The following ZNF14 variants were observed in gnomAD, a reference collection of about 807,000 sequenced individuals.
The protein encoded by ZNF14 is zinc finger protein 14.
In ZNF14, 9 loss-of-function variants were observed where a neutral mutation model predicts 11.3. The ratio of observed to expected loss-of-function variants is 0.80; its 90% CI spans 0.48 to 1.39. The LOEUF is 1.39. ZNF14 is among the 40% of genes most tolerant of loss of function. The pLI is 0.00. For missense variants in ZNF14, 711 were observed against 763.9 expected, an observed-to-expected ratio of 0.93 and a Z score of 0.82; for synonymous variants, 239 against 245.7, an observed-to-expected ratio of 0.97 and a Z score of 0.25.
chr19:19,711,329 G>T lies in ZNF14; in HGVS notation c.*23C>A. 2 of 1,527,104 alleles carry T rather than the reference G, an allele frequency of 1.3e-6. No individual in the cohort carries two copies. The highest frequency in any genetic ancestry group is 1.8e-6 in the Non-Finnish European group (2 of 1,142,528). 94.6% of individuals were successfully genotyped at this position (1,527,104 alleles called of 1,614,324 possible). ...TCAGAAGGAGCTGGAACAACCGAAGGCTTCAGAATGTTGCTTATATTCTTA... is the reference window on the plus strand; with the variant it reads ...TCAGAAGGAGCTGGAACAACCGAAGTCTTCAGAATGTTGCTTATATTCTTA... On this transcript the variant is annotated 3_prime_UTR_variant, in exon 4 of 4. Transcript: ENST00000344099.
At chr19:19,721,822 G>A (rs959818198) in intron 1 of ZNF14, among the ~76,000 whole-genome samples, 3 of 152,036 alleles carry the variant, frequency 2.0e-5, no homozygotes, top group African/African-American at 7.2e-5. Flanking sequence ...AATTAGCCAG[G>A]TATGGTGGCA....
chr19:19,714,847 G>C (rs2062373678), intron 1 of ZNF14, among the ~76,000 whole-genome samples: 1 of 151,580 alleles, frequency 6.6e-6, no homozygotes, highest in Non-Finnish European at 1.5e-5. Context: ...AAGTAGCTGG[G>C]ACTACAGGTG....
rs1200127597 is a variant in ZNF14, at chr19:19,733,092, A to G, written c.-134T>C. On this transcript the variant is annotated 5_prime_UTR_variant, in exon 1 of 4. Transcript: ENST00000344099. ...GTGAAACGCAATCTTCCCATGGGCCAGGAATGGCGACGTCCGCACTGCGCA... is the reference window on the plus strand; with the variant it reads ...GTGAAACGCAATCTTCCCATGGGCCGGGAATGGCGACGTCCGCACTGCGCA... The G allele has an allele frequency of 7.7e-6, 9 of 1,163,290 alleles. No individual in the cohort carries two copies. Among genetic ancestry groups the G allele is most frequent in the Non-Finnish European group, 1.1e-5 (9 of 818,468 alleles). 72.1% of individuals were successfully genotyped at this position (1,163,290 alleles called of 1,614,324 possible).
chr19:19,711,436 A>ATT lies in ZNF14; in HGVS notation c.1844_1845insAA (p.Tyr615Ter). ...AGGCTTTTCCACATTGTTTGCATTCATAAGGTTTCTCTCCAGTGTGAGACC... is the reference window on the plus strand; with the variant it reads ...AGGCTTTTCCACATTGTTTGCATTCATTTAAGGTTTCTCTCCAGTGTGAGACC... ...HERSHTGEKP[Y>*]ECKQCGKAFI... is the part of the protein sequence containing the mutation. Residue 615 changes from tyrosine (Y) to a stop codon, truncating the protein, a stop_gained and frameshift_variant, in exon 4 of 4, where the codon TAT (tyrosine) becomes TAAAT (stop). Coordinates refer to ENST00000344099, the MANE Select transcript of ZNF14 (RefSeq NM_021030.3). LOFTEE classifies it low-confidence loss of function (END_TRUNC). 1 of 1,609,600 alleles carries ATT rather than the reference A, an allele frequency of 6.2e-7. No individual in the cohort carries two copies.
Position 19,733,060 on chromosome 19 carries a change from G to C in ZNF14, c.-102C>G. On this transcript the variant is annotated 5_prime_UTR_variant, in exon 1 of 4. Coordinates refer to ENST00000344099, the MANE Select transcript of ZNF14 (RefSeq NM_021030.3). ...GCGCTAGAGCCACCTTCGGCCTTCAGGAGCAGGTGAAACGCAATCTTCCCA... is the reference window on the plus strand; with the variant it reads ...GCGCTAGAGCCACCTTCGGCCTTCACGAGCAGGTGAAACGCAATCTTCCCA... 2.0e-6 allele frequency: 3 copies of C among 1,477,894 alleles called. No homozygotes were observed. Among genetic ancestry groups the C allele is most frequent in the Non-Finnish European group, 2.8e-6 (3 of 1,083,088 alleles). The allele number at this position is 1,477,894 out of a possible 1,614,324, so 91.5% of individuals were successfully genotyped here. A position where few individuals can be genotyped will look rare whatever the true frequency, so the allele number is the denominator to read the frequency against.
chr19:19,730,184 C>T (rs896990305), intron 1 of ZNF14, among the ~76,000 whole-genome samples: 16 of 151,872 alleles, frequency 1.1e-4, no homozygotes, highest in Admixed American at 9.2e-4. Flanking sequence ...CCACCAGGCT[C>T]GGCTAATTTT....
intron 1 of ZNF14, among the ~76,000 whole-genome samples, chr19:19,725,972 A>G (rs896311156): frequency 1.5e-5 from 2 of 130,470 alleles, no homozygotes; most frequent in African/African-American, 5.7e-5. Flanking sequence ...CTAGTTAGCC[A>G]TTCGTCTAAT....
chr19:19,729,203 C>G (rs557789738), intron 1 of ZNF14, among the ~76,000 whole-genome samples: 2 of 152,042 alleles, frequency 1.3e-5, no homozygotes, highest in Non-Finnish European at 2.9e-5. Context: ...GTCTGGAACT[C>G]CTAACCTCGT....
rs757040353 is a variant in ZNF14, at chr19:19,712,479, T to C, written c.802A>G (p.Thr268Ala). The C allele has an allele frequency of 1.9e-5, 29 of 1,559,450 alleles. No individual in the cohort carries two copies. Among genetic ancestry groups the C allele is most frequent in the Non-Finnish European group, 2.5e-5 (28 of 1,142,596 alleles). Reference sequence around the variant, plus strand: ...TCTCCAGTGTGAGTTCTTTCATGAGTTCGAAAGTATGTGGGACAACTGAAA... The same window carrying C: ...TCTCCAGTGTGAGTTCTTTCATGAGCTCGAAAGTATGTGGGACAACTGAAA... ...KAFSCPTYFR[T>A]HERTHTGEKP... The change falls in exon 4 of 4, where the codon ACT becomes GCT. Residue 268 changes from threonine to alanine, a missense_variant. Coordinates refer to ENST00000344099, the MANE Select transcript of ZNF14 (RefSeq NM_021030.3).
Position 19,713,569 on chromosome 19 carries a change from C to T in ZNF14, c.192-480G>A, listed in dbSNP as rs28379180. Among the ~76,000 whole-genome samples the T allele has an allele frequency of 2.0e-3, 311 of 152,162 alleles. 1 individual carries two copies. Among genetic ancestry groups the T allele is most frequent in the African/African-American group, 7.2e-3 (297 of 41,516 alleles). On this transcript the variant is annotated intron_variant, in intron 3 of 3. Coordinates refer to ENST00000344099, the MANE Select transcript of ZNF14 (RefSeq NM_021030.3). ...GTTCCAGCAATTTTCCTGCCTCAGC[C>T]TCCTGGGTAGCTGGGATTATAGGAG...
chr19:19,730,227 A>T (rs1369440646), intron 1 of ZNF14, among the ~76,000 whole-genome samples: 1 of 151,854 alleles, frequency 6.6e-6, no homozygotes, highest in African/African-American at 2.4e-5. Context: ...GGATTTCACT[A>T]TGTTGGTCAG....
chr19:19,716,375 G>A (rs977573115), intron 1 of ZNF14, among the ~76,000 whole-genome samples: 1 of 151,986 alleles, frequency 6.6e-6, no homozygotes, highest in African/African-American at 2.4e-5. Context: ...TGCAACCTTC[G>A]CCTCCCAGGT....
At chr19:19,724,528 C>T (rs140250809) in intron 1 of ZNF14, among the ~76,000 whole-genome samples, 6,082 of 132,920 alleles carry the variant, frequency 0.046, 1,405 homozygotes, top group Non-Finnish European at 0.06. Context: ...GGAATAAGTG[C>T]GATGTGATGC....
At position 19,714,353 on chromosome 19, in the gene ZNF14, A is replaced by C; in HGVS notation, c.130+8T>G. 6.2e-7 allele frequency: 1 copy of C among 1,613,616 alleles called. No homozygotes were observed. The highest frequency in any genetic ancestry group is 8.5e-7 in the Non-Finnish European group (1 of 1,179,950). The stretch of plus-strand genomic sequence containing the variant: ...TTTAACTGAGGAAAGAAATGTTGAT[A>C]TCCTTACCTAGACAAACCAGGTTTT... On this transcript the variant is annotated splice_region_variant and intron_variant, in intron 2 of 3. Transcript: ENST00000344099.
Position 19,711,533 on chromosome 19 carries a change from C to G in ZNF14, c.1748G>C (p.Gly583Ala). The G allele has an allele frequency of 1.9e-6, 3 of 1,613,352 alleles. No homozygotes were observed. Among genetic ancestry groups the G allele is most frequent in the Non-Finnish European group, 2.5e-6 (3 of 1,179,790 alleles). Reference protein sequence around the residue: ...KFRMHERTHTGEKPYRCKQCG... With the variant: ...KFRMHERTHTAEKPYRCKQCG... ...TTGTTTACATCGATAGGGTTTCTCT[C>G]CCGTGTGAGTTCTCTCATGCATTCG... is the stretch of plus-strand genomic sequence containing the variant. Residue 583 changes from glycine (G) to alanine (A), a missense_variant, in exon 4 of 4, where the codon GGA becomes GCA. Physicochemically the swap from Gly to Ala is moderately conservative, Grantham distance 60. Transcript: ENST00000344099.
intron 1 of ZNF14, among the ~76,000 whole-genome samples, chr19:19,719,596 ATAAT>A (rs1182875311): frequency 6.6e-6 from 1 of 152,234 alleles, no homozygotes; most frequent in African/African-American, 2.4e-5. Flanking sequence ...ACAAAAAACT[ATAAT>A]TGATGTGCTA....
At position 19,720,068 on chromosome 19, in the gene ZNF14, G is replaced by C. The variant is rs2062388552; in HGVS notation, c.4-5581C>G. Among the ~76,000 whole-genome samples, 1 of 152,102 alleles carries C rather than the reference G, an allele frequency of 6.6e-6. No homozygotes were observed. Among genetic ancestry groups the C allele is most frequent in the African/African-American group, 2.4e-5 (1 of 41,410 alleles). ...GTGTGTATGTGCATAAAAACAGAGT[G>C]GCAAAATAATGAGGCAAAACTGATG... On this transcript the variant is annotated intron_variant, in intron 1 of 3. Transcript: ENST00000344099. This position sits in a 1 kb window ranked among gnomAD's most constrained non-coding sequence, Gnocchi z 4.1.
Position 19,711,575 on chromosome 19 carries a change from A to T in ZNF14, c.1706T>A (p.Ile569Asn), listed in dbSNP as rs767510714. Residue 569 changes from isoleucine to asparagine, a missense_variant, in exon 4 of 4, where the codon ATT becomes AAT. Coordinates refer to ENST00000344099, the MANE Select transcript of ZNF14 (RefSeq NM_021030.3). ...YQCKQCGKAF[I>N]SSSKFRMHER... ...ATGCATTCGAAATTTACTGGAAGAA[A>T]TGAAGGCTTTTCCACATTGTTTACA... 6 of 1,613,526 alleles carry T rather than the reference A, an allele frequency of 3.7e-6. No individual in the cohort carries two copies. In the African/African-American group the frequency reaches 4.0e-5, roughly 11 times the overall value.
Position 19,711,388 on chromosome 19 carries a change from T to C in ZNF14, c.1893A>G (p.Arg631=), listed in dbSNP as rs774993970. The part of the protein sequence containing the change: ...GKAFISSSHF[R]LHERTHMGEK... ...CTCCCATATGAGTCCTTTCATGCAG[T>C]CGAAAGTGACTGGAAGAAATGAAGG... The change falls in exon 4 of 4, where the codon CGA becomes CGG. Residue 631 remains arginine, a synonymous_variant. Transcript: ENST00000344099. 9 of 1,584,428 alleles carry C rather than the reference T, an allele frequency of 5.7e-6. No homozygotes were observed. Among genetic ancestry groups the C allele is most frequent in the Admixed American group, 1.8e-5 (1 of 54,528 alleles).
Sources: gnomAD v4.1 joint callset for allele counts (sites outside exome capture counted in the v4.1 genomes callset) on GRCh38, gnomAD v4.1.1 for gene constraint, Gnocchi (gnomAD v3.1) non-coding constraint, MANE v1.5 for transcripts, NCBI Gene and HGNC (gene_info 2026-07-23, HGNC 2026-07-21) for gene names.